Variants in KAT2B observed in about 807,000 individuals in gnomAD.
KAT2B encodes histone acetyltransferase KAT2B.
Under a neutral mutation model 105.9 loss-of-function variants are expected in KAT2B, and 36 were observed. The observed-to-expected ratio is 0.34, with a 90% CI of 0.26 to 0.45. The LOEUF (loss-of-function observed/expected upper bound fraction) is 0.45. KAT2B is among the 20% of genes least tolerant of loss of function. KAT2B has a pLI of 1.00. For missense variants in KAT2B, 820 were observed against 1,021.6 expected (o/e 0.80, Z 2.69); for synonymous variants, 397 against 377.9 (o/e 1.05, Z -0.59).
At chr3:20,070,143 G>A (rs1224381840) in intron 1 of KAT2B, among the ~76,000 whole-genome samples, 1 of 152,056 alleles carries the variant, frequency 6.6e-6, no homozygotes, top group Non-Finnish European at 1.5e-5. Flanking sequence ...TGCTTCTCCT[G>A]GCCCTGCCTT....
At chr3:20,125,051 C>T (rs771031417) in intron 9 of KAT2B, among the ~76,000 whole-genome samples, 4 of 152,118 alleles carry the variant, frequency 2.6e-5, no homozygotes, top group Non-Finnish European at 5.9e-5. Context: ...AGGCCGGGCG[C>T]GGTGGCTCAG....
At chr3:20,135,914 TC>T (rs1413110296) in intron 11 of KAT2B, among the ~76,000 whole-genome samples, 1 of 152,138 alleles carries the variant, frequency 6.6e-6, no homozygotes, top group African/African-American at 2.4e-5. Context: ...AGGAAGGAAT[TC>T]CCAACTATAT....
At chr3:20,118,745 AAAGAG>A (rs1559321276) in intron 7 of KAT2B, among the ~76,000 whole-genome samples, 1 of 126,082 alleles carries the variant, frequency 7.9e-6, no homozygotes, top group East Asian at 2.1e-4. Context: ...AAAAAAAAAA[AAAGAG>A]AGAGAGCGAA....
chr3:20,141,066 C>G (rs1699687627), intron 13 of KAT2B, among the ~76,000 whole-genome samples: 1 of 152,180 alleles, frequency 6.6e-6, no homozygotes, highest in African/African-American at 2.4e-5. Flanking sequence ...ACCCCGTTCA[C>G]TCAGCACACA....
At chr3:20,122,374 T>G (rs1699325980) in intron 8 of KAT2B, among the ~76,000 whole-genome samples, 1 of 152,170 alleles carries the variant, frequency 6.6e-6, no homozygotes, top group Non-Finnish European at 1.5e-5. Context: ...TAACAAACAA[T>G]AGCTAGAATC....
At chr3:20,123,389 T>A (rs563239480) in intron 9 of KAT2B, among the ~76,000 whole-genome samples, 2 of 152,336 alleles carry the variant, frequency 1.3e-5, no homozygotes, top group East Asian at 3.9e-4. Flanking sequence ...ACAGGGTTGG[T>A]GAATTACAGC....
intron 13 of KAT2B, among the ~76,000 whole-genome samples, 180 bp downstream of exon 13, chr3:20,140,544 G>C (rs1340462836): frequency 6.6e-6 from 1 of 152,104 alleles, no homozygotes; most frequent in Non-Finnish European, 1.5e-5. Context: ...CACCTAGACT[G>C]GAGTGCAGTG....
intron 11 of KAT2B, among the ~76,000 whole-genome samples, chr3:20,130,383 C>A (rs2125182960): frequency 6.6e-6 from 1 of 152,300 alleles, no homozygotes; most frequent in African/African-American, 2.4e-5. Flanking sequence ...TCATTATTCT[C>A]CGCTAGCCAA....
chr3:20,152,333 T>C lies in KAT2B; in HGVS notation c.2307T>C (p.Asp769=), dbSNP rs1189211717. ...GYYEVIRFPM[D]LKTMSERLKN... ...CTAATATTTTTTTTTCCTGTGCAGA[T>C]CTGAAAACCATGAGTGAACGCCTCA... is the stretch of plus-strand genomic sequence containing the variant. The change falls in exon 18 of 18, where the codon GAT becomes GAC. Residue 769 remains aspartate, a splice_region_variant and synonymous_variant. Coordinates refer to ENST00000263754, the MANE Select transcript of KAT2B (RefSeq NM_003884.5). 6.2e-7 allele frequency: 1 copy of C among 1,611,300 alleles called. No individual in the cohort carries two copies. The highest frequency in any genetic ancestry group is 2.2e-5 in the East Asian group (1 of 44,826).
chr3:20,151,364 G>T (rs559934245), intron 17 of KAT2B, among the ~76,000 whole-genome samples: 1 of 152,056 alleles, frequency 6.6e-6, no homozygotes, highest in African/African-American at 2.4e-5. Context: ...TGATCCCAAT[G>T]TATTTGGTTA....
intron 2 of KAT2B, among the ~76,000 whole-genome samples, chr3:20,086,726 A>T (rs968333603): frequency 4.6e-5 from 7 of 151,632 alleles, no homozygotes; most frequent in African/African-American, 1.7e-4. Context: ...GGTGGCCTCT[A>T]CCTCTCTAAT....
chr3:20,152,029 A>T (rs1203397100), intron 17 of KAT2B, among the ~76,000 whole-genome samples: 1 of 152,156 alleles, frequency 6.6e-6, no homozygotes, highest in Non-Finnish European at 1.5e-5. Context: ...TCAGTTCATC[A>T]TACTTATTGT....
chr3:20,092,554 A>G (rs912064850), intron 2 of KAT2B, among the ~76,000 whole-genome samples: 25 of 150,752 alleles, frequency 1.7e-4, no homozygotes, highest in Non-Finnish European at 3.1e-4. Context: ...TTTGCTTTAT[A>G]TTATATTATA....
chr3:20,048,859 C>T (rs1697862145), intron 1 of KAT2B, among the ~76,000 whole-genome samples: 1 of 152,070 alleles, frequency 6.6e-6, no homozygotes, highest in Non-Finnish European at 1.5e-5. Flanking sequence ...TGCTGGGTGC[C>T]TTTGGGCAGC....
chr3:20,110,358 C>T (rs898923671), intron 5 of KAT2B, among the ~76,000 whole-genome samples: 1 of 151,706 alleles, frequency 6.6e-6, no homozygotes, highest in Non-Finnish European at 1.5e-5. Context: ...TTCACATCTT[C>T]ACTTCTGGGA....
intron 1 of KAT2B, among the ~76,000 whole-genome samples, chr3:20,069,601 C>G (rs1371445087): frequency 6.6e-6 from 1 of 150,960 alleles, no homozygotes; most frequent in South Asian, 2.1e-4. Flanking sequence ...TCTCAGCTCA[C>G]GGCAACCTCT....
chr3:20,128,154 T>C (rs780413341), intron 11 of KAT2B, among the ~76,000 whole-genome samples: 6 of 152,214 alleles, frequency 3.9e-5, no homozygotes, highest in Non-Finnish European at 7.3e-5. Context: ...ACAAGTTCAA[T>C]ATGTAACTCA....
At chr3:20,094,964 C>T (rs1269961755) in intron 2 of KAT2B, among the ~76,000 whole-genome samples, 1 of 152,102 alleles carries the variant, frequency 6.6e-6, no homozygotes, top group Non-Finnish European at 1.5e-5. Context: ...CCTATTAGGA[C>T]CAGTCTTGAT....
rs760247699 is a variant in KAT2B at position 20,111,699 on chromosome 3, A to T, written c.955A>T (p.Met319Leu). The T allele has an allele frequency of 6.2e-7, 1 of 1,614,110 alleles. No individual in the cohort carries two copies. The highest frequency in any genetic ancestry group is 8.5e-7 in the Non-Finnish European group (1 of 1,179,986). ...RTLLRSVFTVMRRQLLEQARQ... is the reference protein window; with the variant it reads ...RTLLRSVFTVLRRQLLEQARQ... ...ATTGCTTCGCTCGGTCTTCACTGTT[A>T]TGAGGCGACAACTCCTGGAACAAGC... The change falls in exon 6 of 18, where the codon ATG becomes TTG. Residue 319 changes from methionine to leucine, a missense_variant. Around this residue, in one of 6 missense-constraint regions of KAT2B, gnomAD observed 173 missense variants for 249.5 expected, o/e 0.69. Coordinates refer to ENST00000263754, the MANE Select transcript of KAT2B (RefSeq NM_003884.5).
Sources: gnomAD v4.1 joint callset for allele counts (sites outside exome capture counted in the v4.1 genomes callset) on GRCh38, gnomAD v4.1.1 for gene constraint, gnomAD v4.1.1 regional missense constraint, MANE v1.5 for transcripts, NCBI Gene and HGNC (gene_info 2026-07-23, HGNC 2026-07-21) for gene names.